Variants in RBFOX1 observed in about 807,000 individuals in gnomAD.
RBFOX1 encodes the protein RNA binding protein fox-1 homolog 1.
Under a neutral mutation model 57.7 loss-of-function variants are expected in RBFOX1, and 8 were observed. The ratio of observed to expected loss-of-function variants is 0.14; its 90% CI spans 0.08 to 0.25. The LOEUF (loss-of-function observed/expected upper bound fraction) is 0.25. RBFOX1 is among the 10% of genes least tolerant of loss of function. The probability of loss-of-function intolerance (pLI) is 1.00; values close to 1 mark genes in which losing one functional copy is unlikely to be tolerated. For synonymous variants in RBFOX1, 326 were observed against 222.4 expected (o/e 1.47, Z -4.15); for missense variants, 611 against 548.5 (o/e 1.11, Z -1.14).
intron 4 of RBFOX1, among the ~76,000 whole-genome samples, chr16:7,313,295 A>C (rs181970527): frequency 6.6e-6 from 1 of 152,126 alleles, no homozygotes; most frequent in African/African-American, 2.4e-5. Context: ...TTTCCCCCTA[A>C]GGGTTTGCAA....
At chr16:5,541,948 A>C (rs1250333056) in intron 2 of RBFOX1, among the ~76,000 whole-genome samples, 2 of 152,088 alleles carry the variant, frequency 1.3e-5, no homozygotes, top group South Asian at 2.1e-4. Flanking sequence ...TTACATGAAT[A>C]ATTTCTTTAG....
intron 3 of RBFOX1, among the ~76,000 whole-genome samples, chr16:6,758,566 T>C (rs1212827065): frequency 6.6e-6 from 1 of 152,142 alleles, no homozygotes; most frequent in Admixed American, 6.5e-5. Context: ...CCATGCTCTC[T>C]AAAACATCCC....
intron 3 of RBFOX1, among the ~76,000 whole-genome samples, chr16:6,759,255 G>A (rs936164767): frequency 2.0e-5 from 3 of 151,606 alleles, no homozygotes; most frequent in Admixed American, 1.3e-4. Context: ...GGTTCCAGCA[G>A]TTCTCCTGTT....
intron 1 of RBFOX1, among the ~76,000 whole-genome samples, chr16:5,406,550 C>T (rs370051510): frequency 5.3e-5 from 8 of 152,006 alleles, no homozygotes; most frequent in East Asian, 1.9e-4. Flanking sequence ...AAATCTCTCC[C>T]TCTCTCTGTG....
rs569630755 is a variant in RBFOX1, at chr16:5,975,074, C to G, written c.351+107739C>G. Among the ~76,000 whole-genome samples, 243 of 152,284 alleles carry G rather than the reference C, an allele frequency of 1.6e-3. 1 individual carries two copies. The highest frequency in any genetic ancestry group is 5.6e-3 in the African/African-American group (232 of 41,554). On this transcript the variant is annotated intron_variant, in intron 4 of 19. Coordinates refer to the RBFOX1 transcript ENST00000641259. ...CAAAATCACTTTAAAAAGTTGGCCT[C>G]TTTTTTTAATAAGTTGAAACAACAA...
At chr16:5,534,896 G>A (rs561027510) in intron 2 of RBFOX1, among the ~76,000 whole-genome samples, 1 of 152,150 alleles carries the variant, frequency 6.6e-6, no homozygotes, top group Non-Finnish European at 1.5e-5. Flanking sequence ...ACAGATATGG[G>A]TCGCCATATA....
At chr16:6,415,088 C>T (rs764548472) in intron 2 of RBFOX1, among the ~76,000 whole-genome samples, 83 of 151,724 alleles carry the variant, frequency 5.5e-4, no homozygotes, top group Non-Finnish European at 1.0e-3. Flanking sequence ...ACTAAAAATA[C>T]AAAAATTAGC....
intron 4 of RBFOX1, among the ~76,000 whole-genome samples, chr16:7,196,225 T>G (rs1033362369): frequency 3.3e-5 from 5 of 152,198 alleles, no homozygotes; most frequent in Middle Eastern, 3.2e-3. Context: ...ATGATTCCGT[T>G]AACTCAGTTT....
At chr16:6,084,742 A>G (rs2096060896) in intron 1 of RBFOX1, among the ~76,000 whole-genome samples, 1 of 151,800 alleles carries the variant, frequency 6.6e-6, no homozygotes, top group Non-Finnish European at 1.5e-5. Context: ...CAGAGGGCCC[A>G]CCTCTTCATG....
chr16:5,284,541 T>TCC (rs1567278783), intron 1 of RBFOX1, among the ~76,000 whole-genome samples: 11 of 114,780 alleles, frequency 9.6e-5, no homozygotes, highest in African/African-American at 3.1e-4. Flanking sequence ...TATTTTTTCT[T>TCC]TTTTTTTTTT....
At chr16:6,148,137 C>T (rs1254025070) in intron 1 of RBFOX1, among the ~76,000 whole-genome samples, 1 of 152,096 alleles carries the variant, frequency 6.6e-6, no homozygotes, top group Admixed American at 6.6e-5. Flanking sequence ...GACACCAGCC[C>T]GGCAAACATG....
intron 4 of RBFOX1, among the ~76,000 whole-genome samples, chr16:7,385,488 A>T (rs1473663625): frequency 6.6e-6 from 1 of 152,200 alleles, no homozygotes; most frequent in Non-Finnish European, 1.5e-5. Context: ...CATGGAAAGT[A>T]ATGGAGGTAT....
chr16:5,794,119 A>G (rs2054795619), intron 3 of RBFOX1, among the ~76,000 whole-genome samples: 2 of 152,222 alleles, frequency 1.3e-5, no homozygotes, highest in African/African-American at 4.8e-5. Flanking sequence ...TGTTGGGCAT[A>G]TGATTTAATC....
intron 15 of RBFOX1, chr16:7,709,975 A>T (rs112294434): frequency 1.3e-5 from 13 of 1,007,484 alleles, no homozygotes; most frequent in African/African-American, 1.7e-5. Context: ...TGAATTGCCA[A>T]TACTTTTAGA....
chr16:6,730,788 G>A (rs1254523716), intron 3 of RBFOX1, among the ~76,000 whole-genome samples: 1 of 152,186 alleles, frequency 6.6e-6, no homozygotes. Context: ...AGATGGCTTA[G>A]ATTTCATTTA....
At chr16:5,722,606 G>A (rs148070710) in intron 3 of RBFOX1, among the ~76,000 whole-genome samples, 4 of 152,256 alleles carry the variant, frequency 2.6e-5, no homozygotes, top group East Asian at 1.9e-4. Flanking sequence ...AATCTTTTGA[G>A]TAAGTCCCCA....
At chr16:6,679,295 A>G (rs2058251877) in intron 3 of RBFOX1, among the ~76,000 whole-genome samples, 2 of 152,086 alleles carry the variant, frequency 1.3e-5, no homozygotes, top group Admixed American at 6.6e-5. Flanking sequence ...TAAGCTAATC[A>G]TGGTAAAGGT....
chr16:5,324,794 G>T (rs547681977), intron 1 of RBFOX1, among the ~76,000 whole-genome samples: 1 of 152,250 alleles, frequency 6.6e-6, no homozygotes, highest in Admixed American at 6.5e-5. Context: ...ACTGACATTG[G>T]GGCCTCTGGA....
chr16:7,516,033 C>G (rs2076282004), intron 4 of RBFOX1, among the ~76,000 whole-genome samples: 1 of 152,104 alleles, frequency 6.6e-6, no homozygotes, highest in Non-Finnish European at 1.5e-5. Flanking sequence ...TTAGTAGAGG[C>G]AGGGTTTCAC....
Sources: allele counts gnomAD v4.1 joint callset (sites outside exome capture counted in the v4.1 genomes callset), GRCh38; gene constraint gnomAD v4.1.1; transcripts MANE v1.5; gene names NCBI Gene and HGNC (gene_info 2026-07-23, HGNC 2026-07-21).